LSM14A: variants seen among roughly 807,000 people sequenced by gnomAD.
LSM14A encodes protein LSM14 homolog A.
Under a neutral mutation model 52.4 loss-of-function variants are expected in LSM14A, and 14 were observed. The observed-to-expected ratio is 0.27, with a 90% CI of 0.18 to 0.42. LSM14A has a LOEUF of 0.42. Among genes scored for constraint, LSM14A ranks in the 10% least tolerant of loss-of-function variants. The pLI is 1.00. For missense variants in LSM14A, 417 were observed against 581.8 expected (o/e 0.72, Z 2.91); for synonymous variants, 185 against 200.3 (o/e 0.92, Z 0.64).
chr19:34,217,619 G>GTTTT (rs34613927), intron 6 of LSM14A, among the ~76,000 whole-genome samples: 3 of 13,764 alleles, frequency 2.2e-4, no homozygotes, highest in Non-Finnish European at 1.2e-4. Flanking sequence ...CCCCCCCCGT[G>GTTTT]TTTTTTTTTT....
At position 34,191,391 on chromosome 19, in the gene LSM14A, G is replaced by GAA. The variant is rs71165631; in HGVS notation, c.122-3079_122-3078dup. ...CTATCAGGGCAAACTGCTGGTAATG[G>GAA]AAAAAAAAACAAAATAAGTAAATGA... On this transcript the variant is annotated intron_variant, in intron 1 of 9. Transcript: ENST00000544216. Among the ~76,000 whole-genome samples the GAA allele has an allele frequency of 7.5e-4, 112 of 148,958 alleles. 1 individual carries two copies. Among genetic ancestry groups the GAA allele is most frequent in the Middle Eastern group, 3.4e-3 (1 of 290 alleles).
intron 9 of LSM14A, among the ~76,000 whole-genome samples, chr19:34,223,177 C>T (rs1346184314): frequency 6.6e-6 from 1 of 152,068 alleles, no homozygotes; most frequent in Non-Finnish European, 1.5e-5. Context: ...ACCTCCCAGG[C>T]TCAGGCAGTC....
Position 34,192,316 on chromosome 19 carries a change from G to GTTTTTTTTTTTT in LSM14A, c.122-2160_122-2159insTTTTTTTTTTTT, listed in dbSNP as rs1306000214. Among the ~76,000 whole-genome samples the GTTTTTTTTTTTT allele has an allele frequency of 8.7e-4, 57 of 65,770 alleles. 3 individuals are homozygous for GTTTTTTTTTTTT. Among genetic ancestry groups the GTTTTTTTTTTTT allele is most frequent in the Non-Finnish European group, 1.1e-3 (39 of 34,546 alleles). 43.1% of individuals were successfully genotyped at this position (65,770 alleles called of 152,430 possible). A position where few individuals can be genotyped will look rare whatever the true frequency, so the allele number is the denominator to read the frequency against. On this transcript the variant is annotated intron_variant, in intron 1 of 9. Coordinates refer to ENST00000544216, the MANE Select transcript of LSM14A (RefSeq NM_015578.4). ...TTTACACTGAAATAACATTCTTTTTGTTGTTTTTTTTTTTTTTTTTTTTTT... is the reference window on the plus strand; with the variant it reads ...TTTACACTGAAATAACATTCTTTTTGTTTTTTTTTTTTTTGTTTTTTTTTTTTTTTTTTTTTT...
At chr19:34,208,195 G>A (rs1221927192) in intron 3 of LSM14A, 1 of 152,180 alleles carries the variant, frequency 6.6e-6, no homozygotes, top group African/African-American at 2.4e-5. Flanking sequence ...GAATCACTCT[G>A]ACTACCATCT....
intron 3 of LSM14A, among the ~76,000 whole-genome samples, chr19:34,202,717 G>A (rs945225460): frequency 2.0e-5 from 3 of 151,982 alleles, no homozygotes; most frequent in South Asian, 2.1e-4. Flanking sequence ...GTGCAGTGGC[G>A]CATCTCCGCT....
chr19:34,195,909 C>A (rs2070802821), intron 2 of LSM14A, among the ~76,000 whole-genome samples: 1 of 152,218 alleles, frequency 6.6e-6, no homozygotes, highest in South Asian at 2.1e-4. Flanking sequence ...TCTCCTTATT[C>A]ATTCATTCAG....
Position 34,217,096 on chromosome 19 carries a change from TA to T in LSM14A, c.781+1440del, listed in dbSNP as rs540562731. Among the ~76,000 whole-genome samples, 1,122 of 151,990 alleles carry T rather than the reference TA, an allele frequency of 7.4e-3. 14 individuals carry two copies. The highest frequency in any genetic ancestry group is 0.025 in the African/African-American group (1,033 of 41,462). On this transcript the variant is annotated intron_variant, in intron 6 of 9. Coordinates refer to ENST00000544216, the MANE Select transcript of LSM14A (RefSeq NM_015578.4). ...CCATACGGTGAAACCCTGTCTCTAC[TA>T]AAAATAGAAAAATTAGCTGGGTGTG...
chr19:34,193,145 A>G (rs1353294473), intron 1 of LSM14A, among the ~76,000 whole-genome samples: 3 of 152,124 alleles, frequency 2.0e-5, no homozygotes, highest in African/African-American at 7.2e-5. Context: ...TTTATAAGAA[A>G]CTTGGGGATT....
intron 1 of LSM14A, among the ~76,000 whole-genome samples, chr19:34,173,086 G>T (rs1461969014): frequency 6.6e-6 from 1 of 152,238 alleles, no homozygotes; most frequent in African/African-American, 2.4e-5. Context: ...GGCTTCTGCC[G>T]TCTTAGCACA....
At chr19:34,222,747 C>G (rs1301994548) in intron 9 of LSM14A, among the ~76,000 whole-genome samples, 1 of 152,174 alleles carries the variant, frequency 6.6e-6, no homozygotes, top group Non-Finnish European at 1.5e-5. Flanking sequence ...AAATTATACT[C>G]AAGTCACCAG....
At position 34,227,515 on chromosome 19, in the gene LSM14A, T is replaced by G. The variant is rs564100997; in HGVS notation, c.*127T>G. 5.5e-4 allele frequency: 393 copies of G among 718,664 alleles called. 1 individual carries two copies. The highest frequency in any genetic ancestry group is 5.2e-3 in the African/African-American group (281 of 53,992). 44.5% of individuals were successfully genotyped at this position (718,664 alleles called of 1,614,324 possible). ...ATTTGTCACCAGCACTGGGTTTTTG[T>G]TTTTTGTTTGTTTTTCCGCTTAATT... On this transcript the variant is annotated 3_prime_UTR_variant, in exon 10 of 10. Coordinates refer to ENST00000544216, the MANE Select transcript of LSM14A (RefSeq NM_015578.4).
chr19:34,195,995 G>A (rs918182823), intron 2 of LSM14A, among the ~76,000 whole-genome samples: 3 of 152,184 alleles, frequency 2.0e-5, no homozygotes, highest in Non-Finnish European at 4.4e-5. Context: ...ATCAGTGAGT[G>A]TATGTCCTGG....
chr19:34,199,533 T>G (rs947242972), intron 3 of LSM14A, among the ~76,000 whole-genome samples: 8 of 152,124 alleles, frequency 5.3e-5, no homozygotes, highest in African/African-American at 1.9e-4. Flanking sequence ...ACGGAAGATA[T>G]AAATATGGAA....
intron 1 of LSM14A, among the ~76,000 whole-genome samples, chr19:34,176,787 A>G (rs2069117062): frequency 6.6e-6 from 1 of 152,230 alleles, no homozygotes; most frequent in African/African-American, 2.4e-5. Context: ...TCTTGAGATT[A>G]TATACTTAGA....
chr19:34,178,199 T>G (rs1329705784), intron 1 of LSM14A, among the ~76,000 whole-genome samples: 1 of 136,280 alleles, frequency 7.3e-6, no homozygotes, highest in African/African-American at 2.8e-5. Flanking sequence ...AATAATCTGT[T>G]TTCTCTTTTG....
intron 8 of LSM14A, 104 bp downstream of exon 8, chr19:34,219,981 T>C: frequency 1.2e-6 from 1 of 860,920 alleles, no homozygotes; most frequent in Non-Finnish European, 1.8e-6. Context: ...AATTGTTTTG[T>C]TTTGTTTTGA....
chr19:34,205,442 C>T (rs545123400), intron 3 of LSM14A, among the ~76,000 whole-genome samples: 6 of 135,096 alleles, frequency 4.4e-5, no homozygotes, highest in Admixed American at 1.7e-4. Flanking sequence ...GCCGAGATCA[C>T]ACCATTGAAC....
chr19:34,202,892 C>T lies in LSM14A; in HGVS notation c.416-6037C>T, dbSNP rs2071405174. ...CAGGATGGTCTCGATCTCCTGACCT[C>T]GTGATCCGCCCGCCTCGGCCTCCCA... On this transcript the variant is annotated intron_variant, in intron 3 of 9. Coordinates refer to ENST00000544216, the MANE Select transcript of LSM14A (RefSeq NM_015578.4). Among the ~76,000 whole-genome samples, 3 of 152,132 alleles carry T rather than the reference C, an allele frequency of 2.0e-5. No individual in the cohort carries two copies. In the South Asian group the frequency reaches 6.2e-4, roughly 31 times the overall value.
At chr19:34,183,516 A>G (rs961363634) in intron 1 of LSM14A, among the ~76,000 whole-genome samples, 3 of 151,992 alleles carry the variant, frequency 2.0e-5, no homozygotes, top group Non-Finnish European at 4.4e-5. Flanking sequence ...GTGCTATTGC[A>G]CTCCAGTCTG....
Sources: gnomAD v4.1 joint callset for allele counts (sites outside exome capture counted in the v4.1 genomes callset) on GRCh38, gnomAD v4.1.1 for gene constraint, MANE v1.5 for transcripts, NCBI Gene and HGNC (gene_info 2026-07-23, HGNC 2026-07-21) for gene names.